PALM2AKAP2: variants seen among roughly 807,000 people sequenced by gnomAD.
PALM2AKAP2 encodes PALM2 and AKAP2 fusion, also known as PALM2-AKAP2 fusion protein.
Under a neutral mutation model 71.5 loss-of-function variants are expected in PALM2AKAP2, and 37 were observed. The observed-to-expected ratio is 0.52, with a 90% CI of 0.40 to 0.68. The LOEUF is 0.68. Ranked by LOEUF, PALM2AKAP2 falls within the 30% of genes least tolerant of loss-of-function variation. The pLI is 0.00. For missense variants in PALM2AKAP2, 1,224 were observed against 1,191.8 expected (o/e 1.03, Z -0.40); for synonymous variants, 468 against 478.8 (o/e 0.98, Z 0.29).
intron 7 of PALM2AKAP2, among the ~76,000 whole-genome samples, chr9:110,034,093 C>T (rs957377124): frequency 2.6e-5 from 4 of 152,218 alleles, no homozygotes; most frequent in Non-Finnish European, 4.4e-5. Context: ...CCCCTAACCA[C>T]AGTGCCAGGG....
chr9:110,017,493 C>T (rs1044788667), intron 7 of PALM2AKAP2, among the ~76,000 whole-genome samples: 1 of 152,154 alleles, frequency 6.6e-6, no homozygotes, highest in African/African-American at 2.4e-5. Context: ...CAATGATTGA[C>T]AAGTTTCAGT....
At chr9:110,020,938 T>C (rs1833063610) in intron 7 of PALM2AKAP2, among the ~76,000 whole-genome samples, 1 of 151,960 alleles carries the variant, frequency 6.6e-6, no homozygotes, top group South Asian at 2.1e-4. Context: ...TGAAACCCTG[T>C]CTCTACTAAA....
chr9:109,764,417 A>G (rs986623653), intron 1 of PALM2AKAP2, among the ~76,000 whole-genome samples: 2 of 151,876 alleles, frequency 1.3e-5, no homozygotes, highest in African/African-American at 2.4e-5. Flanking sequence ...CTCTCTGCCT[A>G]TATACTACCT....
At chr9:110,047,462 A>G (rs1416642434), upstream of PALM2AKAP2, among the ~76,000 whole-genome samples, 7 of 152,138 alleles carry the variant, frequency 4.6e-5, no homozygotes, top group Non-Finnish European at 8.8e-5. Flanking sequence ...GTGGGTTAGG[A>G]AAGTAGAATC....
chr9:110,031,316 G>A (rs1330472159), intron 7 of PALM2AKAP2, among the ~76,000 whole-genome samples: 4 of 152,070 alleles, frequency 2.6e-5, no homozygotes, highest in Non-Finnish European at 5.9e-5. Context: ...TTTTAGTAGA[G>A]ACAGGGTTTC....
chr9:109,795,687 C>T (rs1297075781), intron 1 of PALM2AKAP2, among the ~76,000 whole-genome samples: 3 of 152,178 alleles, frequency 2.0e-5, no homozygotes, highest in Non-Finnish European at 2.9e-5. Flanking sequence ...TTGGCATACA[C>T]GTGTAAGGAA....
At chr9:109,994,906 A>G (rs878877718) in intron 6 of PALM2AKAP2, among the ~76,000 whole-genome samples, 1 of 152,046 alleles carries the variant, frequency 6.6e-6, no homozygotes, top group African/African-American at 2.4e-5. Context: ...CTCTTGTTCT[A>G]TGCCTTGACC....
intron 7 of PALM2AKAP2, chr9:110,024,821 TTTTG>T: frequency 1.5e-6 from 1 of 683,850 alleles, no homozygotes; most frequent in Non-Finnish European, 2.6e-6. Flanking sequence ...GTCTTGGGTT[TTTTG>T]TTTTTTTTTT....
intron 6 of PALM2AKAP2, among the ~76,000 whole-genome samples, chr9:110,000,457 C>G (rs574480062): frequency 3.0e-4 from 45 of 152,110 alleles, no homozygotes; most frequent in Admixed American, 5.2e-4. Context: ...ATTGTGAATA[C>G]TGCCGCAATA....
At chr9:109,832,557 A>G (rs531019039) in intron 1 of PALM2AKAP2, among the ~76,000 whole-genome samples, 1 of 152,358 alleles carries the variant, frequency 6.6e-6, no homozygotes, top group South Asian at 2.1e-4. Context: ...TGCTGCTTTC[A>G]GAAGAAACAG....
At chr9:109,939,415 T>G (rs547109655) in intron 6 of PALM2AKAP2, among the ~76,000 whole-genome samples, 1 of 152,302 alleles carries the variant, frequency 6.6e-6, no homozygotes, top group African/African-American at 2.4e-5. Context: ...TGTTAATAAT[T>G]TGTATTTTTA....
intron 2 of PALM2AKAP2, among the ~76,000 whole-genome samples, chr9:109,878,830 C>T (rs1829776813): frequency 6.6e-6 from 1 of 152,196 alleles, no homozygotes; most frequent in African/African-American, 2.4e-5. Flanking sequence ...CTCTGCCCCC[C>T]AGGTTCTAGT....
intron 1 of PALM2AKAP2, among the ~76,000 whole-genome samples, chr9:109,808,958 G>A (rs544350899): frequency 6.6e-6 from 1 of 152,372 alleles, no homozygotes; most frequent in African/African-American, 2.4e-5. Context: ...GCCTGCAGGT[G>A]CACAGAAGTC....
chr9:109,646,453 C>T (rs1827155824), intron 1 of PALM2AKAP2, among the ~76,000 whole-genome samples: 1 of 152,296 alleles, frequency 6.6e-6, no homozygotes, highest in Non-Finnish European at 1.5e-5. Context: ...CAGCCTTGGA[C>T]CAGAAGTGGC....
intron 2 of PALM2AKAP2, among the ~76,000 whole-genome samples, chr9:109,868,457 T>C (rs1229864946): frequency 3.9e-5 from 6 of 152,230 alleles, no homozygotes. Context: ...TGACATTGCC[T>C]GCACAGAGCT....
chr9:109,714,910 G>C (rs1217684639), intron 1 of PALM2AKAP2, among the ~76,000 whole-genome samples: 2 of 152,202 alleles, frequency 1.3e-5, no homozygotes, highest in African/African-American at 4.8e-5. Context: ...CCCATGGGAT[G>C]GGCTGCCCCT....
chr9:109,968,535 C>T (rs1832000474), intron 6 of PALM2AKAP2, among the ~76,000 whole-genome samples: 1 of 152,162 alleles, frequency 6.6e-6, no homozygotes, highest in African/African-American at 2.4e-5. Context: ...ACAAAAGTCC[C>T]TGTCTCTGGC....
At chr9:109,777,179 T>G (rs1307032847), upstream of PALM2AKAP2, among the ~76,000 whole-genome samples, 1 of 152,240 alleles carries the variant, frequency 6.6e-6, no homozygotes, top group African/African-American at 2.4e-5. Flanking sequence ...CCAGTCCATC[T>G]GATGCAAATT....
intron 1 of PALM2AKAP2, among the ~76,000 whole-genome samples, chr9:109,798,916 A>G (rs932773373): frequency 1.3e-5 from 2 of 152,148 alleles, no homozygotes; most frequent in East Asian, 3.9e-4. Context: ...CCATGTCTCT[A>G]TGTCAGCTGT....
Sources: gnomAD v4.1 joint callset for allele counts (sites outside exome capture counted in the v4.1 genomes callset) on GRCh38, gnomAD v4.1.1 for gene constraint, MANE v1.5 for transcripts, NCBI Gene and HGNC (gene_info 2026-07-23, HGNC 2026-07-21) for gene names.